The following RALGPS1 variants were observed in gnomAD, a reference collection of about 807,000 sequenced individuals.
The protein encoded by RALGPS1 is Ral GEF with PH domain and SH3 binding motif 1.
RALGPS1 carries 19 observed loss-of-function variants against 78.8 expected under a neutral mutation model. That is an observed-to-expected ratio of 0.24 (90% CI 0.17 to 0.35). RALGPS1 has a LOEUF of 0.35. Among genes scored for constraint, RALGPS1 ranks in the 10% least tolerant of loss-of-function variants. The pLI is 1.00. For missense variants in RALGPS1, 454 were observed against 688.3 expected (o/e 0.66, Z 3.81); for synonymous variants, 228 against 256.3 (o/e 0.89, Z 1.06).
intron 9 of RALGPS1, among the ~76,000 whole-genome samples, chr9:127,167,158 T>G (rs571948886): frequency 2.0e-5 from 3 of 152,262 alleles, no homozygotes; most frequent in South Asian, 4.1e-4. Context: ...TTGCTGTGCG[T>G]AGGGTGTGAG....
At chr9:127,177,779 C>T in intron 11 of RALGPS1, 1 of 1,530,900 alleles carries the variant, frequency 6.5e-7, no homozygotes, top group East Asian at 2.5e-5. Flanking sequence ...TCCTTTGACC[C>T]CTGACTGTCC....
intron 8 of RALGPS1, chr9:127,093,850 G>A: frequency 6.8e-6 from 11 of 1,614,138 alleles, no homozygotes; most frequent in Middle Eastern, 3.3e-4. Context: ...GGCGGTTGGT[G>A]TTCTCCGGCT....
rs570399932 is a variant in RALGPS1 at position 127,021,059 on chromosome 9, T to C, written c.217-13372T>C. On this transcript the variant is annotated intron_variant, in intron 4 of 18. Coordinates refer to ENST00000259351, the MANE Select transcript of RALGPS1 (RefSeq NM_014636.3). ...TTATTATAAACCAAAATGTAAACTT[T>C]AGTTTTCTCTGAGTGTTAAGGCTAA... Among the ~76,000 whole-genome samples the C allele has an allele frequency of 2.6e-5, 4 of 152,350 alleles. 1 individual carries two copies. Among genetic ancestry groups the C allele is most frequent in the African/African-American group, 9.6e-5 (4 of 41,586 alleles).
intron 8 of RALGPS1, among the ~76,000 whole-genome samples, chr9:127,139,206 A>G (rs1198946726): frequency 6.6e-6 from 1 of 152,154 alleles, no homozygotes; most frequent in Admixed American, 6.5e-5. Context: ...CACACGGCAG[A>G]CCTAGTGAGG....
intron 4 of RALGPS1, among the ~76,000 whole-genome samples, chr9:127,027,685 A>G (rs1024008175): frequency 1.3e-5 from 2 of 152,188 alleles, no homozygotes; most frequent in Admixed American, 6.5e-5. Context: ...TCCATAAACT[A>G]TGGCACATTT....
At chr9:127,053,316 G>C (rs1467939777) in intron 7 of RALGPS1, among the ~76,000 whole-genome samples, 1 of 152,076 alleles carries the variant, frequency 6.6e-6, no homozygotes, top group Non-Finnish European at 1.5e-5. Context: ...AGCTGCCCTG[G>C]GTCACTAGCC....
At chr9:126,964,885 A>G (rs926548940) in intron 2 of RALGPS1, among the ~76,000 whole-genome samples, 3 of 152,190 alleles carry the variant, frequency 2.0e-5, no homozygotes, top group Non-Finnish European at 4.4e-5. Context: ...AGAAGAATTA[A>G]TAAAAGCATA....
chr9:127,034,977 C>A (rs898335109), intron 5 of RALGPS1, among the ~76,000 whole-genome samples: 2 of 152,168 alleles, frequency 1.3e-5, no homozygotes, highest in African/African-American at 4.8e-5. Flanking sequence ...AATGTCATTT[C>A]TTTGGGGAGT....
intron 1 of RALGPS1, among the ~76,000 whole-genome samples, chr9:126,944,878 C>T (rs750980935): frequency 1.2e-3 from 177 of 152,142 alleles, no homozygotes; most frequent in Non-Finnish European, 1.7e-3. Flanking sequence ...TGTGATAGTT[C>T]CTTAGTCTGT....
At chr9:127,108,444 C>A (rs774589376) in intron 8 of RALGPS1, 5 of 1,610,148 alleles carry the variant, frequency 3.1e-6, no homozygotes, top group Non-Finnish European at 4.2e-6. Context: ...TCTGCTTGAG[C>A]AGCTCATTGT....
intron 1 of RALGPS1, among the ~76,000 whole-genome samples, chr9:126,951,579 C>A (rs1220478298): frequency 6.6e-6 from 1 of 150,992 alleles, no homozygotes; most frequent in Admixed American, 6.6e-5. Flanking sequence ...ACATGATTAT[C>A]TCAATAGATG....
intron 7 of RALGPS1, among the ~76,000 whole-genome samples, chr9:127,061,854 C>G (rs1380278036): frequency 2.0e-5 from 3 of 152,208 alleles, no homozygotes; most frequent in Non-Finnish European, 4.4e-5. Flanking sequence ...CAGACCAGAT[C>G]TGGACCCTGA....
chr9:126,989,995 G>A (rs535656538), intron 4 of RALGPS1: 1 of 1,550,464 alleles, frequency 6.4e-7, no homozygotes, highest in East Asian at 2.4e-5. Context: ...TGTGGGTCCA[G>A]GAACCTGACC....
chr9:126,992,279 A>C (rs2042346094), intron 4 of RALGPS1, among the ~76,000 whole-genome samples: 1 of 152,250 alleles, frequency 6.6e-6, no homozygotes, highest in South Asian at 2.1e-4. Flanking sequence ...TATAATTTAC[A>C]TATGTAAACT....
chr9:127,108,485 G>A (rs956446911), intron 8 of RALGPS1: 9 of 1,612,410 alleles, frequency 5.6e-6, no homozygotes, highest in African/African-American at 1.3e-5. Context: ...TTATGCACTC[G>A]GTTCTCCAGA....
intron 4 of RALGPS1, among the ~76,000 whole-genome samples, chr9:127,032,425 A>G (rs1247999599): frequency 6.6e-6 from 1 of 152,268 alleles, no homozygotes; most frequent in South Asian, 2.1e-4. Context: ...AAATTCAGGA[A>G]AAATACAAAG....
chr9:127,026,031 G>A (rs62580806), intron 4 of RALGPS1, among the ~76,000 whole-genome samples: 4,197 of 152,184 alleles, frequency 0.028, 52 homozygotes, highest in Middle Eastern at 0.048. Flanking sequence ...TCTCTAGAGA[G>A]ACAGAACTAA....
At chr9:127,033,995 C>A (rs902861000) in intron 4 of RALGPS1, among the ~76,000 whole-genome samples, 3 of 152,196 alleles carry the variant, frequency 2.0e-5, no homozygotes, top group African/African-American at 4.8e-5. Context: ...GACTTTGCCT[C>A]ACACCAGGAA....
intron 1 of RALGPS1, among the ~76,000 whole-genome samples, chr9:126,961,985 A>G (rs1007770319): frequency 1.4e-4 from 21 of 152,286 alleles, no homozygotes; most frequent in South Asian, 2.1e-4. Context: ...GAAATGCAGA[A>G]TTCTATGTGA....
Sources: allele counts gnomAD v4.1 joint callset (sites outside exome capture counted in the v4.1 genomes callset), GRCh38; gene constraint gnomAD v4.1.1; transcripts MANE v1.5; gene names NCBI Gene and HGNC (gene_info 2026-07-23, HGNC 2026-07-21).